CYLC1: variants seen among roughly 807,000 people sequenced by gnomAD.
The protein encoded by CYLC1 is cylicin-1.
Under a neutral mutation model 31.6 loss-of-function variants are expected in CYLC1, and 2 were observed. The observed-to-expected ratio is 0.06, with a 90% CI of 0.03 to 0.20. The LOEUF (loss-of-function observed/expected upper bound fraction) is 0.20. CYLC1 is among the 10% of genes least tolerant of loss of function. The pLI, the probability that CYLC1 is intolerant of heterozygous loss-of-function variation, is 1.00. For synonymous variants in CYLC1, 185 were observed against 153.0 expected (o/e 1.21, Z -1.54); for missense variants, 595 against 424.1 (o/e 1.40, Z -3.54).
rs773825933 is a variant in CYLC1 at position 83,861,163 on chromosome X, G to A, written c.-20G>A. The A allele has an allele frequency of 8.4e-7, 1 of 1,196,156 alleles. No homozygotes were observed. The highest frequency in any genetic ancestry group is 3.0e-5 in the East Asian group (1 of 33,512). On this transcript the variant is annotated 5_prime_UTR_variant, in exon 1 of 5. Transcript: ENST00000329312. The stretch of plus-strand genomic sequence containing the variant: ...TTCAACTTACTATGCTCAAGTCCAG[G>A]CAACGTACAGGCAGGGGAAATGTCT...
At chrX:83,885,369 A>G (rs1301698416) in intron 4 of CYLC1, among the ~76,000 whole-genome samples, 1 of 110,406 alleles carries the variant, frequency 9.1e-6, no homozygotes, top group African/African-American at 3.3e-5. Flanking sequence ...TAATTTATAC[A>G]GGAGGAAATA....
intron 4 of CYLC1, among the ~76,000 whole-genome samples, chrX:83,877,246 TC>T (rs2031777308): frequency 9.0e-6 from 1 of 110,868 alleles, no homozygotes; most frequent in Non-Finnish European, 1.9e-5. Flanking sequence ...TTTCCTTATC[TC>T]CATTACTACC....
intron 4 of CYLC1, among the ~76,000 whole-genome samples, chrX:83,878,989 A>G (rs2031871864): frequency 1.8e-5 from 2 of 108,874 alleles, no homozygotes; most frequent in Admixed American, 1.0e-4. Flanking sequence ...CAGGGTCAGC[A>G]CTGTTTACAC....
At chrX:83,868,231 C>G (rs1212044633) in intron 1 of CYLC1, among the ~76,000 whole-genome samples, 1 of 111,047 alleles carries the variant, frequency 9.0e-6, no homozygotes, top group Non-Finnish European at 1.9e-5. Flanking sequence ...TATAAAAGCA[C>G]AATGAAAATA....
chrX:83,886,544 C>T lies in CYLC1; in HGVS notation c.1924-8C>T, dbSNP rs1172122213. 8.3e-7 allele frequency: 1 copy of T among 1,206,157 alleles called. No homozygotes were observed. Among genetic ancestry groups the T allele is most frequent in the Non-Finnish European group, 1.1e-6 (1 of 891,529 alleles). On this transcript the variant is annotated splice_polypyrimidine_tract_variant and splice_region_variant and intron_variant, in intron 4 of 4. Transcript: ENST00000329312. ...TTTTTATTTGCATTTTTCTACTTTG[C>T]TCCTCAGCCTGAAGCACCGTGGATT...
At chrX:83,868,488 G>C (rs1367125962) in intron 1 of CYLC1, among the ~76,000 whole-genome samples, 3 of 110,573 alleles carry the variant, frequency 2.7e-5, no homozygotes, top group African/African-American at 9.8e-5. Context: ...CTATCATTAA[G>C]ATATTCTCCT....
chrX:83,876,444 T>C (rs2031760265), intron 4 of CYLC1, among the ~76,000 whole-genome samples: 1 of 111,108 alleles, frequency 9.0e-6, no homozygotes, highest in Non-Finnish European at 1.9e-5. Flanking sequence ...GTAAATAAAA[T>C]ATAAGAAAAA....
rs780471181 is a variant in CYLC1 at position 83,873,792 on chromosome X, G to A, written c.1084G>A (p.Asp362Asn). 5.9e-6 allele frequency: 7 copies of A among 1,186,707 alleles called. No homozygotes were observed. The highest frequency in any genetic ancestry group is 7.9e-6 in the Non-Finnish European group (7 of 882,820). Residue 362 changes from aspartate (D) to asparagine (N), a missense_variant, in exon 4 of 5, where the codon GAC becomes AAC. Coordinates refer to ENST00000329312, the MANE Select transcript of CYLC1 (RefSeq NM_021118.3). ...KKLKKDDKKK[D>N]TKKYPESTDT... ...ATTAAAGAAAGATGACAAGAAAAAGGACACAAAGAAGTACCCAGAGTCTAC... is the reference window on the plus strand; with the variant it reads ...ATTAAAGAAAGATGACAAGAAAAAGAACACAAAGAAGTACCCAGAGTCTAC...
chrX:83,880,013 A>C (rs917723513), intron 4 of CYLC1, among the ~76,000 whole-genome samples: 8 of 111,302 alleles, frequency 7.2e-5, no homozygotes, highest in Admixed American at 6.7e-4. Context: ...GTCGTGCCAT[A>C]CGTTTGATCT....
chrX:83,866,828 TA>T (rs2031599610), intron 1 of CYLC1, among the ~76,000 whole-genome samples: 1 of 111,563 alleles, frequency 9.0e-6, no homozygotes, highest in Non-Finnish European at 1.9e-5. Context: ...TATCATCTTT[TA>T]AAATCTGCAT....
In CYLC1 at chrX:83,873,253, A is replaced by C; in HGVS notation, c.545A>C (p.Asn182Thr). The C allele has an allele frequency of 1.7e-6, 2 of 1,199,515 alleles. No homozygotes were observed. Among genetic ancestry groups the C allele is most frequent in the Non-Finnish European group, 1.1e-6 (1 of 888,993 alleles). ...SKKSKSSSET[N>T]PESQNSKTVS... ...AAGTCAAAATCCAGTTCAGAAACTA[A>C]TCCAGAATCCCAAAATTCTAAGACA... The change falls in exon 4 of 5, where the codon AAT becomes ACT. Residue 182 changes from asparagine to threonine, a missense_variant. Physicochemically the swap from Asn to Thr is moderately conservative, Grantham distance 65 (BLOSUM62 0). Transcript: ENST00000329312.
chrX:83,876,864 T>G lies in CYLC1; in HGVS notation c.1923+2233T>G, dbSNP rs747077229. The stretch of plus-strand genomic sequence containing the variant: ...GTCTTTGTCCTGGACACTCTTTATT[T>G]ACAGTCCTCCCTTTGTGAGTATATA... On this transcript the variant is annotated intron_variant, in intron 4 of 4. Transcript: ENST00000329312. Among the ~76,000 whole-genome samples, 17 of 110,898 alleles carry G rather than the reference T, an allele frequency of 1.5e-4. No homozygotes were observed. The South Asian group carries it at 3.8e-3, about 25-fold the overall frequency.
At chrX:83,867,511 TC>T (rs1208454511) in intron 1 of CYLC1, among the ~76,000 whole-genome samples, 1 of 111,487 alleles carries the variant, frequency 9.0e-6, no homozygotes. Flanking sequence ...AAACCTAAAA[TC>T]TATTTCACTG....
intron 4 of CYLC1, among the ~76,000 whole-genome samples, chrX:83,884,820 C>T (rs1276687173): frequency 1.8e-5 from 2 of 110,819 alleles, no homozygotes; most frequent in Non-Finnish European, 3.8e-5. Context: ...TCCTTCATCA[C>T]CAGCTGTGAG....
intron 4 of CYLC1, among the ~76,000 whole-genome samples, chrX:83,878,498 T>TA (rs2031860962): frequency 3.0e-5 from 1 of 33,113 alleles, no homozygotes; most frequent in Non-Finnish European, 5.5e-5. Flanking sequence ...TATATATATA[T>TA]TTTCATACAT....
At chrX:83,868,524 T>C (rs1197226509) in intron 1 of CYLC1, among the ~76,000 whole-genome samples, 1 of 110,975 alleles carries the variant, frequency 9.0e-6, no homozygotes, top group African/African-American at 3.3e-5. Context: ...AGTTTTATTA[T>C]TTTACAGTTC....
chrX:83,876,271 G>A (rs781038294), intron 4 of CYLC1, among the ~76,000 whole-genome samples: 4 of 110,125 alleles, frequency 3.6e-5, no homozygotes, highest in Non-Finnish European at 7.6e-5. Context: ...CTTGCTCTAG[G>A]TGATATCTTC....
chrX:83,878,706 G>A (rs1030795638), intron 4 of CYLC1, among the ~76,000 whole-genome samples: 5 of 102,894 alleles, frequency 4.9e-5, no homozygotes, highest in African/African-American at 1.8e-4. Context: ...ATTAAAACAA[G>A]TATTTTTTTA....
intron 4 of CYLC1, among the ~76,000 whole-genome samples, chrX:83,879,689 G>A (rs1052715189): frequency 6.4e-5 from 7 of 109,389 alleles, no homozygotes; most frequent in South Asian, 3.8e-4. Flanking sequence ...CATTCCATAC[G>A]TCTTTCTAAG....
Sources: allele counts gnomAD v4.1 joint callset (sites outside exome capture counted in the v4.1 genomes callset), GRCh38; gene constraint gnomAD v4.1.1; transcripts MANE v1.5; gene names NCBI Gene and HGNC (gene_info 2026-07-23, HGNC 2026-07-21).